KDM4C: variants seen among roughly 807,000 people sequenced by gnomAD.
The protein encoded by KDM4C is lysine demethylase 4C.
A neutral mutation model predicts 129.3 loss-of-function variants in KDM4C; 81 were observed. The observed-to-expected ratio is 0.63, with a 90% confidence interval of 0.52 to 0.75. The LOEUF (loss-of-function observed/expected upper bound fraction) is 0.75. Among genes scored for constraint, KDM4C ranks in the 30% least tolerant of loss-of-function variants. KDM4C has a pLI of 0.00. For synonymous variants in KDM4C, 573 were observed against 456.1 expected (o/e 1.26, Z -3.26); for missense variants, 1,457 against 1,304.0 (o/e 1.12, Z -1.81).
chr9:6,760,675 A>G (rs990897207), intron 1 of KDM4C, among the ~76,000 whole-genome samples: 16 of 151,708 alleles, frequency 1.1e-4, no homozygotes, highest in African/African-American at 2.9e-4. Context: ...GGTTCACACC[A>G]TTCTCCTGCC....
At chr9:7,105,138 A>G (rs1178317376) in intron 18 of KDM4C, among the ~76,000 whole-genome samples, 1 of 152,194 alleles carries the variant, frequency 6.6e-6, no homozygotes, top group Non-Finnish European at 1.5e-5. Context: ...AGCAACTTTT[A>G]AAAATACCTA....
intron 8 of KDM4C, among the ~76,000 whole-genome samples, chr9:6,894,541 T>C (rs927778444): frequency 6.6e-6 from 1 of 152,242 alleles, no homozygotes; most frequent in African/African-American, 2.4e-5. Flanking sequence ...CTTACAGATA[T>C]AAGTCAGCTA....
intron 2 of KDM4C, among the ~76,000 whole-genome samples, chr9:6,799,380 C>T (rs929842577): frequency 6.6e-6 from 1 of 152,202 alleles, no homozygotes; most frequent in African/African-American, 2.4e-5. Flanking sequence ...CCGGCCAACA[C>T]AGCGAAACCC....
At chr9:6,777,283 C>G (rs1304179599) in intron 1 of KDM4C, among the ~76,000 whole-genome samples, 1 of 152,206 alleles carries the variant, frequency 6.6e-6, no homozygotes, top group Admixed American at 6.5e-5. Flanking sequence ...CTTTCTGCCA[C>G]TTACGTTCTC....
At chr9:6,813,125 A>T (rs1283035886) in intron 3 of KDM4C, among the ~76,000 whole-genome samples, 1 of 152,136 alleles carries the variant, frequency 6.6e-6, no homozygotes, top group Non-Finnish European at 1.5e-5. Flanking sequence ...CAGTGAGCCG[A>T]GATCGTGCCG....
chr9:7,061,492 T>C (rs1282302570), intron 17 of KDM4C, among the ~76,000 whole-genome samples: 1 of 152,152 alleles, frequency 6.6e-6, no homozygotes, highest in Non-Finnish European at 1.5e-5. Context: ...CTGGTGCTGG[T>C]GGGTTGGGTC....
chr9:7,156,728 C>G (rs1419895934), intron 19 of KDM4C, among the ~76,000 whole-genome samples: 1 of 152,144 alleles, frequency 6.6e-6, no homozygotes, highest in South Asian at 2.1e-4. Flanking sequence ...GTTTTGGTAC[C>G]AGTACCATGC....
rs192319862 is a variant in KDM4C at position 6,957,173 on chromosome 9, C to T, written c.922-23752C>T. ...GGCATAAGCTGTTTTATTTGTAATG[C>T]CTTGCAAACACATGTGCAAATTCTC... is the stretch of plus-strand genomic sequence containing the variant. On this transcript the variant is annotated intron_variant, in intron 8 of 21. Coordinates refer to ENST00000381309, the MANE Select transcript of KDM4C (RefSeq NM_015061.6). Among the ~76,000 whole-genome samples, 22 of 152,238 alleles carry T rather than the reference C, an allele frequency of 1.4e-4. No individual in the cohort carries two copies. The East Asian group carries it at 4.1e-3, about 28-fold the overall frequency.
intron 19 of KDM4C, among the ~76,000 whole-genome samples, chr9:7,150,314 G>T (rs538428739): frequency 6.6e-6 from 1 of 152,206 alleles, no homozygotes; most frequent in African/African-American, 2.4e-5. Flanking sequence ...GTGGCTTAAC[G>T]TGGAGGAAGT....
intron 8 of KDM4C, among the ~76,000 whole-genome samples, chr9:6,914,902 T>G (rs575562475): frequency 2.6e-5 from 4 of 152,374 alleles, no homozygotes; most frequent in African/African-American, 9.6e-5. Context: ...TAAATTTCTA[T>G]TATTTGTGAA....
chr9:6,956,475 G>A (rs1258611681), intron 8 of KDM4C, among the ~76,000 whole-genome samples: 2 of 152,156 alleles, frequency 1.3e-5, no homozygotes, highest in Non-Finnish European at 1.5e-5. Context: ...CCACTAAAAG[G>A]GTCAAATGTC....
chr9:6,728,737 T>G (rs1200255673), intron 1 of KDM4C, among the ~76,000 whole-genome samples: 1 of 151,848 alleles, frequency 6.6e-6, no homozygotes, highest in African/African-American at 2.4e-5. Flanking sequence ...TCCCAGCTAC[T>G]CAGGAGGCTG....
Position 7,047,526 on chromosome 9 carries a change from T to C in KDM4C, c.2315+609T>C, listed in dbSNP as rs182643311. Among the ~76,000 whole-genome samples, 122 of 152,056 alleles carry C rather than the reference T, an allele frequency of 8.0e-4. 1 individual carries two copies. The highest frequency in any genetic ancestry group is 1.3e-3 in the Non-Finnish European group (89 of 67,934). On this transcript the variant is annotated intron_variant, in intron 16 of 21. Transcript: ENST00000381309. ...ACTGTTCTGCATGGATTTTATTTTT[T>C]TTTCATGACCAGGTTTTAATATTGA...
chr9:7,012,639 G>A (rs1008111194), intron 13 of KDM4C, among the ~76,000 whole-genome samples: 4 of 152,154 alleles, frequency 2.6e-5, no homozygotes, highest in African/African-American at 7.2e-5. Context: ...CTGGCTGTGC[G>A]TGATGTTGTT....
At chr9:6,724,110 G>C (rs747543867) in intron 1 of KDM4C, 10 of 152,192 alleles carry the variant, frequency 6.6e-5, no homozygotes, top group African/African-American at 9.7e-5. Context: ...GAAGTAGCTA[G>C]AAGAAAGAGG....
chr9:7,172,932 T>C (rs974731776), intron 21 of KDM4C, among the ~76,000 whole-genome samples: 13 of 152,234 alleles, frequency 8.5e-5, no homozygotes, highest in Non-Finnish European at 1.3e-4. Context: ...GGAGGCAAGA[T>C]AGTAGGGAAT....
intron 17 of KDM4C, among the ~76,000 whole-genome samples, chr9:7,067,327 A>C (rs969134761): frequency 6.6e-6 from 1 of 152,248 alleles, no homozygotes; most frequent in South Asian, 2.1e-4. Context: ...TACGTTCTGC[A>C]TAGATAAAGC....
chr9:7,107,284 GACAAC>G (rs1398593340), intron 18 of KDM4C, among the ~76,000 whole-genome samples: 1 of 152,170 alleles, frequency 6.6e-6, no homozygotes, highest in African/African-American at 2.4e-5. Flanking sequence ...GTAAGGAAAA[GACAAC>G]ACAATAAATA....
intron 17 of KDM4C, chr9:7,076,754 G>A: frequency 8.8e-7 from 1 of 1,142,232 alleles, no homozygotes; most frequent in Non-Finnish European, 1.1e-6. Flanking sequence ...TTTGATTAAT[G>A]TACTTTCTGT....
Sources: allele counts gnomAD v4.1 joint callset (sites outside exome capture counted in the v4.1 genomes callset), GRCh38; gene constraint gnomAD v4.1.1; transcripts MANE v1.5; gene names NCBI Gene and HGNC (gene_info 2026-07-23, HGNC 2026-07-21).